The following NRXN3 variants were observed in gnomAD, a reference collection of about 807,000 sequenced individuals.
The protein encoded by NRXN3 is neurexin 3.
Under a neutral mutation model 137.6 loss-of-function variants are expected in NRXN3, and 32 were observed. The observed-to-expected ratio is 0.23, with a 90% CI of 0.18 to 0.31. The LOEUF is 0.31. NRXN3 is among the 10% of genes least tolerant of loss of function. The pLI is 1.00. For synonymous variants in NRXN3, 798 were observed against 784.5 expected, an observed-to-expected ratio of 1.02 and a Z score of -0.29; for missense variants, 1,574 against 2,062.5, an observed-to-expected ratio of 0.76 and a Z score of 4.59.
At chr14:79,275,316 T>TG (rs2080107521) in intron 15 of NRXN3, among the ~76,000 whole-genome samples, 1 of 151,366 alleles carries the variant, frequency 6.6e-6, no homozygotes, top group South Asian at 2.1e-4. Flanking sequence ...TCTTCATATT[T>TG]GGAAAAAAAA....
intron 4 of NRXN3, among the ~76,000 whole-genome samples, chr14:78,531,667 C>T (rs2096463498): frequency 6.6e-6 from 1 of 152,066 alleles, no homozygotes; most frequent in African/African-American, 2.4e-5. Flanking sequence ...TAGAGTCTGA[C>T]ACGGTATTTG....
In NRXN3 at chr14:78,362,435, C is replaced by T. The variant is rs77880327; in HGVS notation, c.757+64575C>T. The stretch of plus-strand genomic sequence containing the variant: ...TTGCACTTTAAAAAGTCAACAACTA[C>T]TTTGTTTAATTAAATAATTAATGCC... On this transcript the variant is annotated intron_variant, in intron 4 of 20. Coordinates refer to ENST00000335750, the MANE Select transcript of NRXN3 (RefSeq NM_001330195.2). Among the ~76,000 whole-genome samples, 235 of 152,142 alleles carry T rather than the reference C, an allele frequency of 1.5e-3. 3 individuals are homozygous for T. In the East Asian group the frequency reaches 0.024, roughly 16 times the overall value.
chr14:79,636,440 G>A (rs221477), intron 16 of NRXN3, among the ~76,000 whole-genome samples: 21,697 of 151,844 alleles, frequency 0.14, 2,089 homozygotes, highest in African/African-American at 0.27. Context: ...TCACACTCTG[G>A]CTGTCATTAT....
At chr14:79,527,293 CAAAAAAAAAAA>C (rs397954192) in intron 16 of NRXN3, among the ~76,000 whole-genome samples, 1 of 58,670 alleles carries the variant, frequency 1.7e-5, no homozygotes, top group Admixed American at 2.6e-4. Flanking sequence ...GACTCTGTCT[CAAAAAAAAAAA>C]AAAAAAAAAA....
chr14:79,538,232 T>C (rs1452397731), intron 16 of NRXN3, among the ~76,000 whole-genome samples: 1 of 152,058 alleles, frequency 6.6e-6, no homozygotes, highest in African/African-American at 2.4e-5. Context: ...TTTTCTCCCA[T>C]TTTGTAGGTT....
rs138646866 is a variant in NRXN3, at chr14:78,431,930, G to A, written c.757+134070G>A. 2.8e-3 allele frequency among the ~76,000 whole-genome samples: 431 copies of A among 152,210 alleles called. 4 individuals carry two copies. The highest frequency in any genetic ancestry group is 0.01 in the African/African-American group (418 of 41,524). On this transcript the variant is annotated intron_variant, in intron 4 of 20. Transcript: ENST00000335750. ...CTAAGGCTCATAGGTCAGTAAGCCA[G>A]TAAAAGGCAGAGTTGGGATTTGAAC...
At chr14:79,424,912 CAT>C (rs1193270104) in intron 15 of NRXN3, among the ~76,000 whole-genome samples, 25 of 152,150 alleles carry the variant, frequency 1.6e-4, no homozygotes, top group Admixed American at 1.3e-3. Context: ...TGAGCATAAT[CAT>C]GTGAATAATT....
intron 15 of NRXN3, among the ~76,000 whole-genome samples, chr14:79,369,344 T>C (rs2094008630): frequency 6.6e-6 from 1 of 152,208 alleles, no homozygotes; most frequent in African/African-American, 2.4e-5. Flanking sequence ...ATATTCATTG[T>C]GTAGTTTTAT....
At chr14:78,330,671 T>C (rs1047704673) in intron 4 of NRXN3, among the ~76,000 whole-genome samples, 2 of 152,086 alleles carry the variant, frequency 1.3e-5, no homozygotes, top group Non-Finnish European at 2.9e-5. Flanking sequence ...TATACTTGGG[T>C]TTTTTGAATT....
In NRXN3 at chr14:78,193,761, C is replaced by CA. The variant is rs375804646; in HGVS notation, c.-704+23107dup. 2.7e-3 allele frequency among the ~76,000 whole-genome samples: 294 copies of CA among 109,018 alleles called. 6 individuals carry two copies. Among genetic ancestry groups the CA allele is most frequent in the African/African-American group, 7.6e-3 (222 of 29,152 alleles). 71.5% of individuals were successfully genotyped at this position (109,018 alleles called of 152,430 possible). ...TGGGTGACAGAATGAAACTCTGTCTCAAAAAAAAAAAAAAAAAAAAGTTAT... is the reference window on the plus strand; with the variant it reads ...TGGGTGACAGAATGAAACTCTGTCTCAAAAAAAAAAAAAAAAAAAAAGTTAT... On this transcript the variant is annotated intron_variant, in intron 1 of 20. Coordinates refer to ENST00000335750, the MANE Select transcript of NRXN3 (RefSeq NM_001330195.2).
rs185125637 is a variant in NRXN3, at chr14:79,446,708, T to C, written c.3263-20513T>C. Among the ~76,000 whole-genome samples, 562 of 152,212 alleles carry C rather than the reference T, an allele frequency of 3.7e-3. 4 individuals carry two copies. Among genetic ancestry groups the C allele is most frequent in the African/African-American group, 0.012 (517 of 41,554 alleles). On this transcript the variant is annotated intron_variant, in intron 15 of 20. Coordinates refer to ENST00000335750, the MANE Select transcript of NRXN3 (RefSeq NM_001330195.2). Reference sequence around the variant, plus strand: ...AATACTAGTTAAATAGTTTCTCTCCTTTAAAGTACTTTAAAGATAACTTCT... The same window carrying C: ...AATACTAGTTAAATAGTTTCTCTCCCTTAAAGTACTTTAAAGATAACTTCT...
chr14:79,352,172 C>T (rs1470953107), intron 15 of NRXN3, among the ~76,000 whole-genome samples: 1 of 152,102 alleles, frequency 6.6e-6, no homozygotes, highest in East Asian at 1.9e-4. Context: ...GCTCCTTCTG[C>T]ATGCTTTCCT....
intron 15 of NRXN3, among the ~76,000 whole-genome samples, chr14:79,270,135 T>C (rs1436150047): frequency 6.6e-6 from 1 of 152,206 alleles, no homozygotes. Context: ...ACTTAGAGGT[T>C]ATATACTCCA....
At chr14:78,458,056 T>A (rs543411260) in intron 4 of NRXN3, among the ~76,000 whole-genome samples, 1 of 152,270 alleles carries the variant, frequency 6.6e-6, no homozygotes, top group African/African-American at 2.4e-5. Context: ...TTAACTTTAC[T>A]CTAGAATATG....
chr14:79,858,986 G>GAA (rs764558511), intron 20 of NRXN3, among the ~76,000 whole-genome samples: 2 of 22,466 alleles, frequency 8.9e-5, no homozygotes, highest in African/African-American at 1.3e-4. Context: ...GTAAAAAAAA[G>GAA]AAAAAAAAAA....
intron 8 of NRXN3, among the ~76,000 whole-genome samples, chr14:78,736,204 C>T (rs746070907): frequency 5.9e-5 from 9 of 152,178 alleles, no homozygotes; most frequent in East Asian, 1.9e-4. Flanking sequence ...CTTGAGTTTT[C>T]GGTTCCCCAT....
At chr14:79,133,063 C>T (rs1438232356) in intron 15 of NRXN3, among the ~76,000 whole-genome samples, 2 of 152,234 alleles carry the variant, frequency 1.3e-5, no homozygotes, top group Non-Finnish European at 2.9e-5. Flanking sequence ...CTATGGACAG[C>T]ACTCTTTGCA....
chr14:78,768,926 A>T (rs2098717863), intron 8 of NRXN3, among the ~76,000 whole-genome samples: 1 of 152,204 alleles, frequency 6.6e-6, no homozygotes, highest in Non-Finnish European at 1.5e-5. Flanking sequence ...AGGAGGATCC[A>T]TTACAAAGGC....
chr14:79,519,134 G>A (rs1313124728), intron 16 of NRXN3, among the ~76,000 whole-genome samples: 7 of 151,946 alleles, frequency 4.6e-5, no homozygotes, highest in Admixed American at 4.6e-4. Flanking sequence ...TTTTGAATAT[G>A]TATCCCCTTT....
Sources: allele counts gnomAD v4.1 joint callset (sites outside exome capture counted in the v4.1 genomes callset), GRCh38; gene constraint gnomAD v4.1.1; transcripts MANE v1.5; gene names NCBI Gene and HGNC (gene_info 2026-07-23, HGNC 2026-07-21).